SGF29: variants seen among roughly 807,000 people sequenced by gnomAD.
SGF29 encodes the protein SAGA complex associated factor 29.
In SGF29, 15 loss-of-function variants were observed where a neutral mutation model predicts 38.1. The observed-to-expected ratio is 0.39, with a 90% confidence interval of 0.26 to 0.61. SGF29 has a LOEUF of 0.61. Among genes scored for constraint, SGF29 ranks in the 20% least tolerant of loss-of-function variants. SGF29 has a pLI of 0.49. For missense variants in SGF29, 184 were observed against 394.6 expected (o/e 0.47, Z 4.52); for synonymous variants, 151 against 160.8 (o/e 0.94, Z 0.46).
At chr16:28,565,561 G>A (rs941459907) in intron 1 of SGF29, among the ~76,000 whole-genome samples, 3 of 152,026 alleles carry the variant, frequency 2.0e-5, no homozygotes, top group Admixed American at 1.3e-4. Context: ...GCAATGGCGC[G>A]ATTTTGGCTC....
At chr16:28,564,590 TACAC>T (rs201548938) in intron 1 of SGF29, among the ~76,000 whole-genome samples, 121 of 129,710 alleles carry the variant, frequency 9.3e-4, no homozygotes, top group African/African-American at 3.2e-3. Flanking sequence ...CGTATATATA[TACAC>T]ACATATATGT....
chr16:28,564,715 A>ATG (rs59210288), intron 1 of SGF29, among the ~76,000 whole-genome samples: 21 of 87,604 alleles, frequency 2.4e-4, no homozygotes, highest in Admixed American at 4.5e-4. Context: ...ATACATATAT[A>ATG]TGTATATATA....
intron 4 of SGF29, among the ~76,000 whole-genome samples, chr16:28,586,003 G>A (rs1442961050): frequency 6.6e-6 from 1 of 152,210 alleles, no homozygotes; most frequent in Admixed American, 6.5e-5. Flanking sequence ...GATATCAGGG[G>A]CTGGGTAGCT....
chr16:28,574,683 G>A (rs545699405), intron 1 of SGF29, among the ~76,000 whole-genome samples: 1 of 152,250 alleles, frequency 6.6e-6, no homozygotes, highest in Admixed American at 6.5e-5. Flanking sequence ...CACCTTCCCT[G>A]ATCTGGCCAC....
chr16:28,588,540 A>G (rs1231803950), intron 4 of SGF29: 6 of 412,716 alleles, frequency 1.5e-5, no homozygotes, highest in Non-Finnish European at 2.8e-5. Context: ...TCTTAAGACT[A>G]AAAGACACAT....
chr16:28,569,333 T>C (rs1303118972), intron 1 of SGF29, among the ~76,000 whole-genome samples: 1 of 152,078 alleles, frequency 6.6e-6, no homozygotes, highest in Non-Finnish European at 1.5e-5. Context: ...ACTTAAGCAT[T>C]TGGAAGATTC....
chr16:28,590,208 C>A lies in SGF29; in HGVS notation c.402C>A (p.Ile134=), dbSNP rs2291939. 3.7e-6 allele frequency: 6 copies of A among 1,610,712 alleles called. No individual in the cohort carries two copies. The East Asian group carries it at 1.1e-4, about 30-fold the overall frequency. The change falls in exon 6 of 10, where the codon ATC becomes ATA. Residue 134 remains isoleucine, a synonymous_variant. Transcript: ENST00000317058. The surrounding 1 kb of genome is among the most constrained non-coding windows in gnomAD (Gnocchi z 8.2). ...QQSAMTLPLW[I]GKPGDKPPPL... is the part of the protein sequence containing the mutation. ...CGGCCATGACCCTGCCCCTGTGGATCGGGAAGCCTGGTGACAAGTGAGGGC... is the reference window on the plus strand; with the variant it reads ...CGGCCATGACCCTGCCCCTGTGGATAGGGAAGCCTGGTGACAAGTGAGGGC...
At position 28,557,295 on chromosome 16, in the gene SGF29, C is replaced by T. The variant is rs569026499; in HGVS notation, c.-16+3198C>T. On this transcript the variant is annotated intron_variant, in intron 1 of 9. Coordinates refer to ENST00000317058, the MANE Select transcript of SGF29 (RefSeq NM_138414.3). ...GATAACAAAAAGCTACTCTGACTAG[C>T]CTAAGCTGAAAGGGGTGTTTGTTGA... is the stretch of plus-strand genomic sequence containing the variant. 5.3e-5 allele frequency among the ~76,000 whole-genome samples: 8 copies of T among 152,276 alleles called. No individual in the cohort carries two copies. The South Asian group carries it at 1.7e-3, about 32-fold the overall frequency.
Position 28,587,944 on chromosome 16 carries a change from C to T in SGF29, c.225-1156C>T, listed in dbSNP as rs574294915. On this transcript the variant is annotated intron_variant, in intron 4 of 9. Transcript: ENST00000317058. ...CCTCCCAAGTAGCTGGGATTATAGA[C>T]GCCCGCCACCACGCCGGGCTAATTT... Among the ~76,000 whole-genome samples, 39 of 152,132 alleles carry T rather than the reference C, an allele frequency of 2.6e-4. No homozygotes were observed. In the South Asian group the frequency reaches 4.4e-3, roughly 17 times the overall value.
intron 3 of SGF29, 147 bp from the exon 4 acceptor site, chr16:28,585,501 C>T: frequency 1.4e-6 from 1 of 718,302 alleles, no homozygotes; most frequent in Non-Finnish European, 2.5e-6. Context: ...GGGCATCCGC[C>T]TCAGGAGCAC....
intron 4 of SGF29, among the ~76,000 whole-genome samples, chr16:28,587,614 C>T (rs968755226): frequency 6.6e-6 from 1 of 152,206 alleles, no homozygotes; most frequent in Non-Finnish European, 1.5e-5. Flanking sequence ...CCCTGGGGCA[C>T]CCCCGGACAC....
intron 1 of SGF29, among the ~76,000 whole-genome samples, chr16:28,554,590 G>C (rs1412725726): frequency 6.6e-6 from 1 of 152,174 alleles, no homozygotes; most frequent in African/African-American, 2.4e-5. Flanking sequence ...GAGTATAGGC[G>C]TGAGCCCCCG....
At chr16:28,563,003 A>G (rs1328591682) in intron 1 of SGF29, among the ~76,000 whole-genome samples, 1 of 152,020 alleles carries the variant, frequency 6.6e-6, no homozygotes, top group Non-Finnish European at 1.5e-5. Flanking sequence ...CAGTCTTAAA[A>G]GGGTGTGTGT....
chr16:28,575,652 T>C lies in SGF29; in HGVS notation c.-15-5403T>C, dbSNP rs191791127. 3.9e-5 allele frequency among the ~76,000 whole-genome samples: 6 copies of C among 152,292 alleles called. No homozygotes were observed. In the East Asian group the frequency reaches 1.2e-3, roughly 29 times the overall value. On this transcript the variant is annotated intron_variant, in intron 1 of 9. Transcript: ENST00000317058. ...GTGAGCTGAGATTGAGTCACTGCAC[T>C]CCAGCTTGGGTGGCAGAGTGAGACT...
At chr16:28,582,490 G>T (rs903530111) in intron 2 of SGF29, among the ~76,000 whole-genome samples, 1 of 152,190 alleles carries the variant, frequency 6.6e-6, no homozygotes, top group African/African-American at 2.4e-5. Context: ...TGGCTCATCA[G>T]TTGTTACAAA....
At chr16:28,578,754 A>T (rs1369824880) in intron 1 of SGF29, among the ~76,000 whole-genome samples, 2 of 151,506 alleles carry the variant, frequency 1.3e-5, no homozygotes, top group Non-Finnish European at 2.9e-5. Context: ...CAGCCTGGCC[A>T]AGATGGTGAA....
intron 1 of SGF29, among the ~76,000 whole-genome samples, chr16:28,572,176 C>T (rs555849677): frequency 1.3e-5 from 2 of 152,182 alleles, no homozygotes; most frequent in South Asian, 4.1e-4. Flanking sequence ...TGGGGTTTCA[C>T]TGTGTTAGCC....
At chr16:28,564,731 A>G (rs1567286040) in intron 1 of SGF29, among the ~76,000 whole-genome samples, 11 of 13,286 alleles carry the variant, frequency 8.3e-4, no homozygotes, top group Non-Finnish European at 1.3e-3. Context: ...ATATATACAT[A>G]TATATGTATA....
intron 1 of SGF29, among the ~76,000 whole-genome samples, chr16:28,556,138 C>T (rs889091307): frequency 1.3e-5 from 2 of 152,146 alleles, no homozygotes; most frequent in African/African-American, 4.8e-5. Flanking sequence ...CTTAATGTCT[C>T]TTTAACCAAT....
Sources: gnomAD v4.1 joint callset for allele counts (sites outside exome capture counted in the v4.1 genomes callset) on GRCh38, gnomAD v4.1.1 for gene constraint, Gnocchi (gnomAD v3.1) non-coding constraint, MANE v1.5 for transcripts, NCBI Gene and HGNC (gene_info 2026-07-23, HGNC 2026-07-21) for gene names.